Variants in HDAC9 observed in about 807,000 individuals in gnomAD.
HDAC9 encodes histone deacetylase 9.
Under a neutral mutation model 139.4 loss-of-function variants are expected in HDAC9, and 41 were observed. The observed-to-expected ratio is 0.29, with a 90% CI of 0.23 to 0.38. HDAC9 has a LOEUF of 0.38. Ranked by LOEUF, HDAC9 falls within the 10% of genes least tolerant of loss-of-function variation. The pLI, the probability that HDAC9 is intolerant of heterozygous loss-of-function variation, is 1.00. For missense variants in HDAC9, 1,147 were observed against 1,297.0 expected (o/e 0.88, Z 1.78); for synonymous variants, 517 against 476.2 (o/e 1.09, Z -1.12).
chr7:18,802,573 A>T (rs1426106668), intron 17 of HDAC9, among the ~76,000 whole-genome samples: 1 of 151,882 alleles, frequency 6.6e-6, no homozygotes, highest in South Asian at 2.1e-4. Context: ...GGATTTTTGC[A>T]AGATTCTATA....
intron 17 of HDAC9, among the ~76,000 whole-genome samples, chr7:18,810,498 TA>T (rs2129190130): frequency 6.6e-6 from 1 of 152,042 alleles, no homozygotes; most frequent in African/African-American, 2.4e-5. Flanking sequence ...AATCCATTGA[TA>T]TTTTTCAGAA....
intron 1 of HDAC9, among the ~76,000 whole-genome samples, chr7:18,394,620 CTGTG>C (rs1434260905): frequency 6.6e-6 from 1 of 151,792 alleles, no homozygotes; most frequent in Non-Finnish European, 1.5e-5. Flanking sequence ...GTGTGTGTAT[CTGTG>C]TGTGGAAAGT....
At chr7:18,761,426 A>G (rs747124266) in intron 14 of HDAC9, among the ~76,000 whole-genome samples, 8 of 152,238 alleles carry the variant, frequency 5.3e-5, no homozygotes, top group Non-Finnish European at 1.2e-4. Flanking sequence ...CCAATCTGTC[A>G]GAGACTAATA....
At chr7:18,876,921 C>T (rs1297404157) in intron 22 of HDAC9, among the ~76,000 whole-genome samples, 2 of 151,890 alleles carry the variant, frequency 1.3e-5, no homozygotes, top group African/African-American at 4.8e-5. Context: ...AGGCTGGTCT[C>T]GAACTCCTGA....
chr7:18,461,351 G>A (rs1207041228), intron 1 of HDAC9, among the ~76,000 whole-genome samples: 3 of 152,088 alleles, frequency 2.0e-5, no homozygotes, highest in Non-Finnish European at 2.9e-5. Flanking sequence ...CAGTTAAAAT[G>A]GTAAAGGGAG....
Position 18,835,600 on chromosome 7 carries a change from C to CT in HDAC9, c.2586+17dup, listed in dbSNP as rs776779010. On this transcript the variant is annotated intron_variant, in intron 20 of 25. Transcript: ENST00000686413. ...GCCCCAAATGAGGTTCGGTTTATTT[C>CT]TTTAGAGCCCCACTTTTATTTGTAT... 2 of 1,613,590 alleles carry CT rather than the reference C, an allele frequency of 1.2e-6. No individual in the cohort carries two copies. Among genetic ancestry groups the CT allele is most frequent in the South Asian group, 2.2e-5 (2 of 91,080 alleles).
chr7:18,324,422 G>A (rs963552434), intron 1 of HDAC9, among the ~76,000 whole-genome samples: 1 of 152,148 alleles, frequency 6.6e-6, no homozygotes, highest in African/African-American at 2.4e-5. Flanking sequence ...CAGTCTCATA[G>A]GGATGTAAGA....
chr7:18,670,329 A>C (rs1197458783), intron 12 of HDAC9, among the ~76,000 whole-genome samples: 1 of 152,038 alleles, frequency 6.6e-6, no homozygotes, highest in Non-Finnish European at 1.5e-5. Context: ...GGAAATTTGG[A>C]ATGTGACTTT....
intron 6 of HDAC9, among the ~76,000 whole-genome samples, chr7:18,608,197 T>G (rs1584039703): frequency 6.6e-6 from 1 of 152,192 alleles, no homozygotes; most frequent in South Asian, 2.1e-4. Flanking sequence ...TGATGAAATA[T>G]TTGGGATTGT....
At chr7:18,966,989 T>C (rs570921015) in intron 24 of HDAC9, among the ~76,000 whole-genome samples, 7 of 152,352 alleles carry the variant, frequency 4.6e-5, no homozygotes, top group African/African-American at 1.7e-4. Context: ...ATGAGTGCTC[T>C]ACTTCTGTCT....
At chr7:18,203,876 T>C (rs971433876) in intron 2 of HDAC9, among the ~76,000 whole-genome samples, 1 of 152,172 alleles carries the variant, frequency 6.6e-6, no homozygotes, top group Non-Finnish European at 1.5e-5. Flanking sequence ...TTATCGAAAG[T>C]AAAAGTAGAA....
At chr7:18,665,758 A>G (rs1282208099) in intron 11 of HDAC9, among the ~76,000 whole-genome samples, 1 of 148,478 alleles carries the variant, frequency 6.7e-6, no homozygotes, top group African/African-American at 2.6e-5. Flanking sequence ...GACTATTAGC[A>G]TTTGTGTTCT....
At chr7:18,384,331 C>G (rs1016573467) in intron 1 of HDAC9, among the ~76,000 whole-genome samples, 1 of 151,840 alleles carries the variant, frequency 6.6e-6, no homozygotes, top group African/African-American at 2.4e-5. Flanking sequence ...TGCGTACACT[C>G]AAAACATATA....
At position 18,129,408 on chromosome 7, in the gene HDAC9, GT is replaced by G. The variant is rs1784869596; in HGVS notation, c.-96-32817del. On this transcript the variant is annotated intron_variant, in intron 1 of 12. Transcript: ENST00000417496. ...GGACCTTGTTTTATTCACCTTTTAA[GT>G]TTTAATTAATAAGCCTATAGAACCT... Among the ~76,000 whole-genome samples, 5 of 152,068 alleles carry G rather than the reference GT, an allele frequency of 3.3e-5. No individual in the cohort carries two copies. The South Asian group carries it at 1.0e-3, about 32-fold the overall frequency.
chr7:18,208,049 TGTTCCTTAGGA>T (rs763055071), intron 2 of HDAC9, among the ~76,000 whole-genome samples: 15 of 152,310 alleles, frequency 9.8e-5, no homozygotes, highest in Non-Finnish European at 1.9e-4. Context: ...ATTGCTTTCA[TGTTCCTTAGGA>T]GTGGCACAGC....
chr7:18,245,394 C>T (rs942246281), intron 2 of HDAC9, among the ~76,000 whole-genome samples: 3 of 152,178 alleles, frequency 2.0e-5, no homozygotes, highest in Non-Finnish European at 4.4e-5. Flanking sequence ...GATGGAGCCA[C>T]TTCTAACACT....
intron 17 of HDAC9, among the ~76,000 whole-genome samples, chr7:18,824,044 G>GGAGGAAGAAGAAGAAGAAGAA (rs1554367874): frequency 7.4e-5 from 5 of 67,118 alleles, no homozygotes; most frequent in Non-Finnish European, 1.4e-4. Context: ...AAGAGGAAGA[G>GGAGGAAGAAGAAGAAGAAGAA]GAAGAAGAAG....
rs1463046435 is a variant in HDAC9 at position 18,523,906 on chromosome 7, C to T, written c.22+27582C>T. On this transcript the variant is annotated intron_variant, in intron 2 of 25. Coordinates refer to ENST00000686413, the MANE Select transcript of HDAC9 (RefSeq NM_178425.4). ...ACCCCGCCCTCCCCCACCTCCCCCT[C>T]CCCGCTCCGCCCTGCTTCCCATTGC... Among the ~76,000 whole-genome samples, 6 of 149,730 alleles carry T rather than the reference C, an allele frequency of 4.0e-5. No individual in the cohort carries two copies. The South Asian group carries it at 8.7e-4, about 22-fold the overall frequency.
chr7:18,102,359 T>A (rs1216426114), intron 1 of HDAC9, among the ~76,000 whole-genome samples: 1 of 152,212 alleles, frequency 6.6e-6, no homozygotes, highest in Non-Finnish European at 1.5e-5. Context: ...GCAAGAAGAC[T>A]AGAGTTACTT....
Sources: gnomAD v4.1 joint callset for allele counts (sites outside exome capture counted in the v4.1 genomes callset) on GRCh38, gnomAD v4.1.1 for gene constraint, MANE v1.5 for transcripts, NCBI Gene and HGNC (gene_info 2026-07-23, HGNC 2026-07-21) for gene names.